Variants in PPP1R16B observed in about 807,000 individuals in gnomAD.
The protein encoded by PPP1R16B is protein phosphatase 1 regulatory inhibitor subunit 16B.
A neutral mutation model predicts 61.7 loss-of-function variants in PPP1R16B; 14 were observed. The ratio of observed to expected loss-of-function variants is 0.23; its 90% CI spans 0.15 to 0.35. The LOEUF (loss-of-function observed/expected upper bound fraction) is 0.35, where lower values mean the gene tolerates loss of function less well. Among genes scored for constraint, PPP1R16B ranks in the 10% least tolerant of loss-of-function variants. The pLI, the probability that PPP1R16B is intolerant of heterozygous loss-of-function variation, is 1.00. For missense variants in PPP1R16B, 547 were observed against 752.5 expected (o/e 0.73, Z 3.19); for synonymous variants, 266 against 305.3 (o/e 0.87, Z 1.34).
At chr20:38,849,470 G>A (rs2145728295) in intron 2 of PPP1R16B, among the ~76,000 whole-genome samples, 1 of 152,110 alleles carries the variant, frequency 6.6e-6, no homozygotes, top group East Asian at 1.9e-4. Flanking sequence ...TCTTCCCAAA[G>A]TCTGATCTGG....
At chr20:38,841,306 G>A (rs912725084) in intron 2 of PPP1R16B, among the ~76,000 whole-genome samples, 3 of 138,594 alleles carry the variant, frequency 2.2e-5, no homozygotes, top group Admixed American at 8.0e-5. Context: ...GTAGAGGATC[G>A]CTTAAGCCCA....
chr20:38,808,891 A>G (rs1234700718), intron 1 of PPP1R16B, among the ~76,000 whole-genome samples: 1 of 152,054 alleles, frequency 6.6e-6, no homozygotes, highest in African/African-American at 2.4e-5. Context: ...AAATTAGTGC[A>G]GCATGGTGGC....
chr20:38,855,943 T>TATATATATAGAGAGAG (rs1555804333), intron 2 of PPP1R16B, among the ~76,000 whole-genome samples: 1 of 15,054 alleles, frequency 6.6e-5, no homozygotes, highest in Non-Finnish European at 9.9e-5. Context: ...TATATATATA[T>TATATATATAGAGAGAG]AGAGAGAGAG....
chr20:38,918,766 A>G lies in PPP1R16B; in HGVS notation c.*100A>G. On this transcript the variant is annotated 3_prime_UTR_variant, in exon 11 of 11. Transcript: ENST00000299824. The surrounding 1 kb of genome is among the most constrained non-coding windows in gnomAD (Gnocchi z 5.3). ...GGGAGGTGTCAGGGCAGCTGGGGAG[A>G]GGTGGGCTCTGCTTTTCAGAGGAAC... is the stretch of plus-strand genomic sequence containing the variant. 2 of 1,337,458 alleles carry G rather than the reference A, an allele frequency of 1.5e-6. No homozygotes were observed. The highest frequency in any genetic ancestry group is 2.0e-6 in the Non-Finnish European group (2 of 1,020,218). 82.8% of individuals were successfully genotyped at this position (1,337,458 alleles called of 1,614,324 possible). A position where few individuals can be genotyped will look rare whatever the true frequency, so the allele number is the denominator to read the frequency against.
chr20:38,808,594 G>C (rs952279914), intron 1 of PPP1R16B, among the ~76,000 whole-genome samples: 12 of 135,656 alleles, frequency 8.8e-5, no homozygotes, highest in African/African-American at 3.1e-4. Flanking sequence ...ATTTTAATTA[G>C]GGATCTATAC....
At chr20:38,838,941 T>C (rs1186876830) in intron 2 of PPP1R16B, among the ~76,000 whole-genome samples, 1 of 152,228 alleles carries the variant, frequency 6.6e-6, no homozygotes, top group Non-Finnish European at 1.5e-5. Context: ...CTTTGTTTTG[T>C]TTTTGAGACG....
chr20:38,831,239 G>C, intron 1 of PPP1R16B, among the ~76,000 whole-genome samples: 1 of 152,162 alleles, frequency 6.6e-6, no homozygotes, highest in East Asian at 1.9e-4. Context: ...CCCCTTTAAG[G>C]GTTGATGATA....
rs142311793 is a variant in PPP1R16B, at chr20:38,871,604, G to A, written c.251-17991G>A. Among the ~76,000 whole-genome samples, 1,146 of 135,896 alleles carry A rather than the reference G, an allele frequency of 8.4e-3. 9 individuals are homozygous for A. Among genetic ancestry groups the A allele is most frequent in the Middle Eastern group, 0.018 (5 of 282 alleles). The allele number at this position is 135,896 out of a possible 152,430, so 89.2% of individuals were successfully genotyped here. On this transcript the variant is annotated intron_variant, in intron 2 of 10. Transcript: ENST00000299824. The stretch of plus-strand genomic sequence containing the variant: ...AGGAACGAAGGGAGGGAGGGAGGGA[G>A]GGAAGGAAGGAGGGAGGGAAGGAAG...
At chr20:38,837,367 TTATTA>T (rs1479228598) in intron 2 of PPP1R16B, among the ~76,000 whole-genome samples, 1 of 152,174 alleles carries the variant, frequency 6.6e-6, no homozygotes, top group Non-Finnish European at 1.5e-5. Flanking sequence ...CTGTTTTATT[TTATTA>T]TATTAGTATA....
intron 2 of PPP1R16B, among the ~76,000 whole-genome samples, chr20:38,856,067 G>C (rs1224156889): frequency 6.7e-6 from 1 of 149,172 alleles, no homozygotes; most frequent in Non-Finnish European, 1.5e-5. Flanking sequence ...TAAATTAGAG[G>C]ATAACTCCAG....
intron 1 of PPP1R16B, among the ~76,000 whole-genome samples, chr20:38,810,970 C>T (rs900570672): frequency 6.6e-6 from 1 of 152,110 alleles, no homozygotes; most frequent in African/African-American, 2.4e-5. Context: ...TACCTTTGGG[C>T]GCTGGGCAGT....
chr20:38,841,128 G>C (rs1568658946), intron 2 of PPP1R16B, among the ~76,000 whole-genome samples: 1 of 151,614 alleles, frequency 6.6e-6, no homozygotes. Flanking sequence ...AAATAGCTTG[G>C]GGTTCAGTTT....
intron 2 of PPP1R16B, among the ~76,000 whole-genome samples, chr20:38,855,951 G>T (rs1348790411): frequency 7.6e-4 from 52 of 68,230 alleles, no homozygotes; most frequent in African/African-American, 1.6e-3. Flanking sequence ...TATAGAGAGA[G>T]AGAGAGAGAG....
chr20:38,892,384 A>G (rs1009546936), intron 3 of PPP1R16B, among the ~76,000 whole-genome samples: 5 of 152,128 alleles, frequency 3.3e-5, no homozygotes, highest in African/African-American at 1.2e-4. Flanking sequence ...GTTTAGCTGC[A>G]TGAAGCTCCT....
At chr20:38,813,565 C>T (rs1285221131) in intron 1 of PPP1R16B, among the ~76,000 whole-genome samples, 1 of 152,160 alleles carries the variant, frequency 6.6e-6, no homozygotes, top group Non-Finnish European at 1.5e-5. Context: ...CAGTGGCACT[C>T]GGCTAAAGGA....
chr20:38,909,616 A>G (rs1601313219), intron 10 of PPP1R16B, among the ~76,000 whole-genome samples: 1 of 152,232 alleles, frequency 6.6e-6, no homozygotes, highest in East Asian at 1.9e-4. Flanking sequence ...CCACGAACAG[A>G]TGAAAACATG....
chr20:38,845,187 G>GGGAA (rs542394080), intron 2 of PPP1R16B, among the ~76,000 whole-genome samples: 59 of 152,240 alleles, frequency 3.9e-4, no homozygotes, highest in African/African-American at 1.4e-3. Context: ...GCACGGAGAG[G>GGGAA]GGAAGATCTA....
Position 38,837,033 on chromosome 20 carries a change from G to C in PPP1R16B, c.250+858G>C, listed in dbSNP as rs1030936312. On this transcript the variant is annotated intron_variant, in intron 2 of 10. Transcript: ENST00000299824. ...CTCACAGGATCTTGCAATTCATAAA[G>C]CTCTCCTCTGTGCCAGACCCCATGC... 4.9e-4 allele frequency among the ~76,000 whole-genome samples: 75 copies of C among 152,204 alleles called. 2 individuals carry two copies. The highest frequency in any genetic ancestry group is 1.6e-4 in the Non-Finnish European group (11 of 68,048).
chr20:38,806,718 C>A lies in PPP1R16B; in HGVS notation c.-102+926C>A, dbSNP rs558918992. 1.5e-3 allele frequency among the ~76,000 whole-genome samples: 223 copies of A among 152,286 alleles called. 1 individual carries two copies. The highest frequency in any genetic ancestry group is 5.2e-3 in the African/African-American group (215 of 41,564). On this transcript the variant is annotated intron_variant, in intron 1 of 10. Coordinates refer to ENST00000299824, the MANE Select transcript of PPP1R16B (RefSeq NM_015568.4). The surrounding 1 kb of genome is among the most constrained non-coding windows in gnomAD (Gnocchi z 4.5). ...TGTAGACTCCCTTCCTCCGCTCCCC[C>A]ACCCCGGCCCGGCCTCCAGCTTCAC...
Sources: allele counts gnomAD v4.1 joint callset (sites outside exome capture counted in the v4.1 genomes callset), GRCh38; gene constraint gnomAD v4.1.1; non-coding constraint Gnocchi (gnomAD v3.1); transcripts MANE v1.5; gene names NCBI Gene and HGNC (gene_info 2026-07-23, HGNC 2026-07-21).